TPRG1: variants seen among roughly 807,000 people sequenced by gnomAD.
The protein encoded by TPRG1 is tumor protein p63-regulated gene 1 protein.
In TPRG1, 29 loss-of-function variants were observed where a neutral mutation model predicts 29.3. The ratio of observed to expected loss-of-function variants is 0.99; its 90% CI spans 0.74 to 1.35. The LOEUF (loss-of-function observed/expected upper bound fraction) is 1.35. Ranked by LOEUF, TPRG1 falls within the 40% of genes most tolerant of loss-of-function variation. The pLI is 0.00. For missense variants in TPRG1, 327 were observed against 335.0 expected (o/e 0.98, Z 0.19); for synonymous variants, 130 against 116.8 (o/e 1.11, Z -0.73).
At chr3:189,082,918 C>G (rs951605087) in intron 4 of TPRG1, among the ~76,000 whole-genome samples, 1 of 152,148 alleles carries the variant, frequency 6.6e-6, no homozygotes, top group Non-Finnish European at 1.5e-5. Context: ...TGTGCTATGT[C>G]ACATGCACAG....
At chr3:189,044,931 G>A (rs891913850) in intron 4 of TPRG1, among the ~76,000 whole-genome samples, 1 of 152,282 alleles carries the variant, frequency 6.6e-6, no homozygotes, top group African/African-American at 2.4e-5. Flanking sequence ...TCGAAGTGTG[G>A]TTTGTTTTTT....
chr3:189,241,412 A>G (rs558974798), intron 4 of TPRG1, among the ~76,000 whole-genome samples: 12 of 152,268 alleles, frequency 7.9e-5, no homozygotes, highest in Non-Finnish European at 1.8e-4. Context: ...CTGCCTATTT[A>G]TGACTATAGC....
At chr3:189,180,858 T>C (rs4686505) in intron 1 of TPRG1, among the ~76,000 whole-genome samples, 100,425 of 152,048 alleles carry the variant, frequency 0.66, 34,194 homozygotes, top group African/African-American at 0.84. Flanking sequence ...CCACACTGCC[T>C]TAGAGGAGTT....
intron 4 of TPRG1, among the ~76,000 whole-genome samples, chr3:189,266,893 T>TC (rs1002916303): frequency 7.9e-5 from 12 of 152,150 alleles, no homozygotes; most frequent in African/African-American, 2.7e-4. Flanking sequence ...GTTTTTTTTT[T>TC]CCCCTTTATG....
chr3:189,059,734 T>C (rs745651061), intron 4 of TPRG1, among the ~76,000 whole-genome samples: 50 of 152,146 alleles, frequency 3.3e-4, no homozygotes, highest in Admixed American at 9.2e-4. Context: ...ATCACATAAA[T>C]AGTAGTTATA....
intron 4 of TPRG1, among the ~76,000 whole-genome samples, chr3:189,149,922 C>T (rs938877622): frequency 6.6e-6 from 1 of 152,164 alleles, no homozygotes; most frequent in Non-Finnish European, 1.5e-5. Context: ...CAGTGTTTTC[C>T]ACATGGTTGA....
chr3:189,242,475 G>C (rs189914983), intron 4 of TPRG1, among the ~76,000 whole-genome samples: 1 of 151,968 alleles, frequency 6.6e-6, no homozygotes, highest in African/African-American at 2.4e-5. Context: ...AACATGTTTG[G>C]TTGTGACATA....
chr3:189,270,578 G>T (rs1714952324), intron 4 of TPRG1, among the ~76,000 whole-genome samples: 1 of 152,204 alleles, frequency 6.6e-6, no homozygotes, highest in African/African-American at 2.4e-5. Flanking sequence ...GGGTTGGCAG[G>T]CAGGGAGATC....
intron 1 of TPRG1, among the ~76,000 whole-genome samples, chr3:189,113,422 G>A (rs1720786433): frequency 6.6e-6 from 1 of 152,108 alleles, no homozygotes. Context: ...TGTTGAATAG[G>A]AGTGGTGAGA....
intron 4 of TPRG1, among the ~76,000 whole-genome samples, chr3:189,076,095 G>A (rs113781317): frequency 0.024 from 3,599 of 152,202 alleles, 149 homozygotes; most frequent in African/African-American, 0.082. Flanking sequence ...TTAATATGTG[G>A]AAGGGCTGGG....
At chr3:189,188,750 T>G (rs1560529612) in intron 1 of TPRG1, among the ~76,000 whole-genome samples, 1 of 152,214 alleles carries the variant, frequency 6.6e-6, no homozygotes, top group Admixed American at 6.5e-5. Flanking sequence ...CATAACTTCT[T>G]GTAAGATAAG....
At chr3:189,153,692 G>A (rs1012350246) in intron 5 of TPRG1, among the ~76,000 whole-genome samples, 2 of 152,230 alleles carry the variant, frequency 1.3e-5, no homozygotes, top group African/African-American at 4.8e-5. Flanking sequence ...TCTGGGTGGA[G>A]CATCAGCAGC....
At chr3:189,297,141 C>T (rs780152628) in intron 4 of TPRG1, among the ~76,000 whole-genome samples, 27 of 152,038 alleles carry the variant, frequency 1.8e-4, no homozygotes, top group Admixed American at 6.6e-4. Context: ...CCACCAAGCC[C>T]GGCTGATTTT....
intron 1 of TPRG1, among the ~76,000 whole-genome samples, chr3:189,100,623 G>A (rs1277275014): frequency 1.3e-5 from 2 of 152,178 alleles, no homozygotes; most frequent in Non-Finnish European, 2.9e-5. Flanking sequence ...TAATGACCCT[G>A]AAAAGTAGCT....
intron 4 of TPRG1, among the ~76,000 whole-genome samples, chr3:189,259,533 C>T (rs940315588): frequency 1.9e-4 from 26 of 134,072 alleles, no homozygotes; most frequent in Admixed American, 1.7e-3. Flanking sequence ...AGTGTGATCT[C>T]GGCTCACTGC....
intron 4 of TPRG1, among the ~76,000 whole-genome samples, chr3:189,286,661 A>G (rs1718107857): frequency 6.6e-6 from 1 of 152,064 alleles, no homozygotes; most frequent in Admixed American, 6.6e-5. Context: ...ATAACCTCAG[A>G]TTTGTAGGCC....
At chr3:189,083,668 C>T (rs1187991800) in intron 4 of TPRG1, among the ~76,000 whole-genome samples, 3 of 152,148 alleles carry the variant, frequency 2.0e-5, no homozygotes, top group Non-Finnish European at 4.4e-5. Context: ...AATCTGTTGT[C>T]AGTTAATCAA....
rs996904390 is a variant in TPRG1 at position 189,324,581 on chromosome 3, G to T, written c.*3761G>T. On this transcript the variant is annotated 3_prime_UTR_variant, in exon 6 of 6. Coordinates refer to ENST00000345063, the MANE Select transcript of TPRG1 (RefSeq NM_198485.4). ...ATCTGATAAAAAAAGCCCAAACAAA[G>T]CTGCGGAAGCTGGCAGAGCCAGCAG... The T allele has an allele frequency of 6.6e-6, 1 of 152,128 alleles. No individual in the cohort carries two copies. The highest frequency in any genetic ancestry group is 1.5e-5 in the Non-Finnish European group (1 of 68,018). The allele number at this position is 152,128 out of a possible 1,614,324, so 9.4% of individuals were successfully genotyped here. A position where few individuals can be genotyped will look rare whatever the true frequency, so the allele number is the denominator to read the frequency against.
intron 1 of TPRG1, among the ~76,000 whole-genome samples, chr3:189,116,025 A>G (rs1452159605): frequency 6.6e-6 from 1 of 152,220 alleles, no homozygotes; most frequent in Non-Finnish European, 1.5e-5. Flanking sequence ...GAACCCTTGC[A>G]TGCTGTTGAT....
Sources: allele counts gnomAD v4.1 joint callset (sites outside exome capture counted in the v4.1 genomes callset), GRCh38; gene constraint gnomAD v4.1.1; transcripts MANE v1.5; gene names NCBI Gene and HGNC (gene_info 2026-07-23, HGNC 2026-07-21).